SH3BP4: variants seen among roughly 807,000 people sequenced by gnomAD.
The protein encoded by SH3BP4 is SH3 domain binding protein 4, also known as SH3 domain-binding protein 4.
SH3BP4 carries 33 observed loss-of-function variants against 65.5 expected under a neutral mutation model. The observed-to-expected ratio is 0.50, with a 90% confidence interval of 0.38 to 0.67. The LOEUF is 0.67. Ranked by LOEUF, SH3BP4 falls within the 30% of genes least tolerant of loss-of-function variation. SH3BP4 has a pLI of 0.00. For synonymous variants in SH3BP4, 552 were observed against 545.5 expected (o/e 1.01, Z -0.17); for missense variants, 1,134 against 1,261.4 (o/e 0.90, Z 1.53).
chr2:235,042,383 G>T lies in SH3BP4; in HGVS notation c.1614G>T (p.Lys538Asn). ...TTTTGTCCAGGCCCCAGGATCTCAA[G>T]GTCTGTATGTTTTCCAATATGACGA... ...QFVLSRPQDL[K>N]VCMFSNMTNY... is the part of the protein sequence containing the mutation. Residue 538 changes from lysine (K) to asparagine (N), a missense_variant, in exon 4 of 6, where the codon AAG (lysine) becomes AAT (asparagine). Lys to Asn is a moderately conservative substitution (Grantham distance 94). Transcript: ENST00000392011. The surrounding 1 kb of genome is among the most constrained non-coding windows in gnomAD (Gnocchi z 7.3). The T allele has an allele frequency of 6.2e-7, 1 of 1,614,154 alleles. No homozygotes were observed.
In SH3BP4 at chr2:235,041,218, A is replaced by C. The variant is rs1210183339; in HGVS notation, c.449A>C (p.Lys150Thr). ...CTCGGGGGATGGACAGATGACAAAA[A>C]AGTACCAGGCAGAATGTACAGTAAT... The part of the protein sequence containing the change: ...ELLGGWTDDK[K>T]VPGRMYSNNP... The change falls in exon 4 of 6, where the codon AAA becomes ACA. Residue 150 changes from lysine (K) to threonine (T), a missense_variant. By Grantham distance (78) the Lys-to-Thr change is moderately conservative. Transcript: ENST00000392011. The surrounding 1 kb of genome is among the most constrained non-coding windows in gnomAD (Gnocchi z 6.0). 2.5e-6 allele frequency: 4 copies of C among 1,614,038 alleles called. No homozygotes were observed. In the African/African-American group the frequency reaches 5.3e-5, roughly 22 times the overall value.
intron 4 of SH3BP4, among the ~76,000 whole-genome samples, chr2:235,051,333 CA>C (rs1436071282): frequency 5.3e-5 from 8 of 152,080 alleles, no homozygotes; most frequent in African/African-American, 1.9e-4. Context: ...TTCTTTAAAC[CA>C]GAAGTGTGAG....
In SH3BP4 at chr2:234,974,882, G is replaced by A. The variant is rs780985829; in HGVS notation, c.-206-20421G>A. 1.8e-4 allele frequency among the ~76,000 whole-genome samples: 27 copies of A among 152,130 alleles called. No homozygotes were observed. Among genetic ancestry groups the A allele is most frequent in the African/African-American group, 3.6e-4 (15 of 41,428 alleles). On this transcript the variant is annotated intron_variant, in intron 1 of 5. Coordinates refer to ENST00000392011, the MANE Select transcript of SH3BP4 (RefSeq NM_014521.3). This position sits in a 1 kb window ranked among gnomAD's most constrained non-coding sequence, Gnocchi z 4.6. The stretch of plus-strand genomic sequence containing the variant: ...TGCAGGTCGCGTTTCACCCTGGCAC[G>A]CCCTGCCTGCCCCGTTACGTGGCGA...
intron 1 of SH3BP4, among the ~76,000 whole-genome samples, chr2:234,961,563 C>T (rs905350252): frequency 1.3e-4 from 20 of 152,084 alleles, no homozygotes; most frequent in Non-Finnish European, 2.5e-4. Flanking sequence ...TGAGCCACTG[C>T]GCCCGGCCTC....
In SH3BP4 at chr2:235,040,992, A is replaced by G; in HGVS notation, c.223A>G (p.Lys75Glu). The G allele has an allele frequency of 6.2e-7, 1 of 1,614,114 alleles. No individual in the cohort carries two copies. Residue 75 changes from lysine to glutamate, a missense_variant, in exon 4 of 6, where the codon AAG becomes GAG. Lys to Glu is a moderately conservative substitution (Grantham distance 56). Transcript: ENST00000392011. ...TTGCCCCACCAACTTCACCACACTG[A>G]AGTTCTCCAAGGGCGACCATCTCTA... ...DYCPTNFTTL[K>E]FSKGDHLYVL...
At position 235,051,581 on chromosome 2, in the gene SH3BP4, G is replaced by A. The variant is rs74659049; in HGVS notation, c.2479-981G>A. Among the ~76,000 whole-genome samples, 2,202 of 152,156 alleles carry A rather than the reference G, an allele frequency of 0.014. 187 individuals carry two copies. In the East Asian group the frequency reaches 0.23, roughly 16 times the overall value. Reference sequence around the variant, plus strand: ...AGTAGAAAGTTCTTGCAGCTTTGACGTGGGAGCAGTCCCACCAATTGTGGA... The same window carrying A: ...AGTAGAAAGTTCTTGCAGCTTTGACATGGGAGCAGTCCCACCAATTGTGGA... On this transcript the variant is annotated intron_variant, in intron 4 of 5. Transcript: ENST00000392011.
chr2:234,956,344 A>G (rs73124220), intron 1 of SH3BP4, among the ~76,000 whole-genome samples: 5,943 of 152,300 alleles, frequency 0.039, 216 homozygotes, highest in African/African-American at 0.1. Context: ...TAAATGTACA[A>G]TAAGGGTTCC....
intron 1 of SH3BP4, among the ~76,000 whole-genome samples, chr2:234,987,484 C>T (rs1292014253): frequency 1.3e-5 from 2 of 152,140 alleles, no homozygotes; most frequent in South Asian, 2.1e-4. Flanking sequence ...TAGCAAAGGT[C>T]GTGGAGCTGG....
chr2:235,027,527 C>T (rs1304828971), intron 2 of SH3BP4, among the ~76,000 whole-genome samples: 3 of 152,162 alleles, frequency 2.0e-5, no homozygotes, highest in African/African-American at 7.2e-5. Flanking sequence ...GAGTTTCCAT[C>T]GACAGAGCTG....
intron 3 of SH3BP4, among the ~76,000 whole-genome samples, chr2:235,039,069 T>G (rs1255918959): frequency 6.6e-6 from 1 of 152,168 alleles, no homozygotes; most frequent in African/African-American, 2.4e-5. Context: ...TTGTCCACCA[T>G]GAGTGGAGTC....
At chr2:235,024,061 C>T (rs552858011) in intron 2 of SH3BP4, among the ~76,000 whole-genome samples, 1 of 152,274 alleles carries the variant, frequency 6.6e-6, no homozygotes, top group East Asian at 1.9e-4. Flanking sequence ...TGCTTTTTTG[C>T]TCTAGATATC....
intron 2 of SH3BP4, among the ~76,000 whole-genome samples, chr2:235,024,639 T>G (rs1694942826): frequency 6.6e-6 from 1 of 152,140 alleles, no homozygotes; most frequent in African/African-American, 2.4e-5. Context: ...GGCCTCAGTT[T>G]TCTCATCTGT....
In SH3BP4 at chr2:234,974,992, G is replaced by A. The variant is rs918817226; in HGVS notation, c.-206-20311G>A. Among the ~76,000 whole-genome samples the A allele has an allele frequency of 2.0e-5, 3 of 152,118 alleles. No homozygotes were observed. Among genetic ancestry groups the A allele is most frequent in the Non-Finnish European group, 4.4e-5 (3 of 68,032 alleles). On this transcript the variant is annotated intron_variant, in intron 1 of 5. Transcript: ENST00000392011. This position sits in a 1 kb window ranked among gnomAD's most constrained non-coding sequence, Gnocchi z 4.6. ...AGCACACGTCTCAGTCCCGTCCCTC[G>A]GAGCAGGCCAAGCTCGGGCGGCAGG... is the stretch of plus-strand genomic sequence containing the variant.
At chr2:235,016,577 G>A (rs1559245242) in intron 2 of SH3BP4, among the ~76,000 whole-genome samples, 2 of 151,994 alleles carry the variant, frequency 1.3e-5, no homozygotes, top group East Asian at 3.9e-4. Flanking sequence ...GCGTAATCTC[G>A]GCTCACTGCA....
chr2:235,016,549 C>T (rs891393207), intron 2 of SH3BP4, among the ~76,000 whole-genome samples: 8 of 152,072 alleles, frequency 5.3e-5, no homozygotes, highest in African/African-American at 1.9e-4. Flanking sequence ...CACTCTGTCA[C>T]CAGGCTGGAG....
chr2:235,038,764 C>A (rs6726679), intron 3 of SH3BP4, among the ~76,000 whole-genome samples: 46,876 of 151,708 alleles, frequency 0.31, 7,282 homozygotes, highest in East Asian at 0.46. Flanking sequence ...GGGTCTATGA[C>A]CTGCTTCAGG....
intron 1 of SH3BP4, among the ~76,000 whole-genome samples, chr2:234,970,077 TCACTCA>T (rs1692951175): frequency 7.5e-6 from 1 of 133,850 alleles, no homozygotes; most frequent in African/African-American, 3.6e-5. Flanking sequence ...ACTCACACTG[TCACTCA>T]CACACACTCA....
intron 2 of SH3BP4, among the ~76,000 whole-genome samples, chr2:235,020,364 G>A (rs1285818434): frequency 6.6e-6 from 1 of 152,152 alleles, no homozygotes; most frequent in Non-Finnish European, 1.5e-5. Flanking sequence ...AGGCGTGGTG[G>A]CGCGTGCCTG....
At chr2:234,983,941 T>C (rs1030363843) in intron 1 of SH3BP4, among the ~76,000 whole-genome samples, 3 of 152,218 alleles carry the variant, frequency 2.0e-5, no homozygotes, top group Admixed American at 1.3e-4. Flanking sequence ...GGAGAGTCAA[T>C]GTGTGTTTTA....
Sources: allele counts gnomAD v4.1 joint callset (sites outside exome capture counted in the v4.1 genomes callset), GRCh38; gene constraint gnomAD v4.1.1; non-coding constraint Gnocchi (gnomAD v3.1); transcripts MANE v1.5; gene names NCBI Gene and HGNC (gene_info 2026-07-23, HGNC 2026-07-21).